DNAH8: variants seen among roughly 807,000 people sequenced by gnomAD.
The protein encoded by DNAH8 is axonemal beta dynein heavy chain 8.
A neutral mutation model predicts 562.1 loss-of-function variants in DNAH8; 382 were observed. The ratio of observed to expected loss-of-function variants is 0.68; its 90% CI spans 0.63 to 0.74. DNAH8 has a LOEUF of 0.74. DNAH8 is among the 30% of genes least tolerant of loss of function. DNAH8 has a pLI of 0.00. For synonymous variants in DNAH8, 1,881 were observed against 1,919.4 expected (o/e 0.98, Z 0.52); for missense variants, 5,203 against 5,620.4 (o/e 0.93, Z 2.37).
chr6:38,736,714 A>G (rs1268863341), intron 5 of DNAH8, among the ~76,000 whole-genome samples: 4 of 81,728 alleles, frequency 4.9e-5, no homozygotes, highest in Admixed American at 2.2e-4. Context: ...TTTTCACCAG[A>G]AAAAAAAAAA....
chr6:38,724,250 G>A (rs1763022714), intron 3 of DNAH8, among the ~76,000 whole-genome samples: 1 of 152,012 alleles, frequency 6.6e-6, no homozygotes, highest in East Asian at 1.9e-4. Flanking sequence ...CAAAGTGCTG[G>A]GATTACAGGC....
rs747335603 is a variant in DNAH8, at chr6:38,926,108, T to A, written c.11016T>A (p.Asn3672Lys). ...GLPGDDLSIQ[N>K]GIIVTKATRY... Reference sequence around the variant, plus strand: ...CAGGAGATGATCTCTCAATTCAGAATGGCATTATTGTGACAAAGGCCACCA... The same window carrying A: ...CAGGAGATGATCTCTCAATTCAGAAAGGCATTATTGTGACAAAGGCCACCA... The change falls in exon 74 of 93, where the codon AAT (asparagine) becomes AAA (lysine). Residue 3672 changes from asparagine to lysine, a missense_variant. By Grantham distance (94) the Asn-to-Lys change is moderately conservative (BLOSUM62 0). This residue lies in a region of DNAH8 where 1,399 missense variants were observed against 1,518.4 expected (regional missense o/e 0.92). Coordinates refer to ENST00000327475, the MANE Select transcript of DNAH8 (RefSeq NM_001206927.2). The A allele has an allele frequency of 1.2e-6, 2 of 1,613,862 alleles. No individual in the cohort carries two copies. The highest frequency in any genetic ancestry group is 2.2e-5 in the East Asian group (1 of 44,862).
chr6:38,878,400 A>T (rs1301400552), intron 53 of DNAH8, among the ~76,000 whole-genome samples: 1 of 152,202 alleles, frequency 6.6e-6, no homozygotes, highest in African/African-American at 2.4e-5. Flanking sequence ...AATGATTTCA[A>T]CTTCTTCCTT....
In DNAH8 at chr6:38,828,204, C is replaced by T. The variant is rs763837187; in HGVS notation, c.4104C>T (p.Asn1368=). 2 of 1,592,128 alleles carry T rather than the reference C, an allele frequency of 1.3e-6. No homozygotes were observed. The highest frequency in any genetic ancestry group is 3.6e-5 in the Admixed American group (2 of 56,096). The change falls in exon 30 of 93, where the codon AAC becomes AAT. Residue 1368 remains asparagine (N), a synonymous_variant. Transcript: ENST00000327475. ...TGCAGGAAGCCTATGCTATTTTAAA[C>T]AGATTTGAAGTTGAAGTAACCAAAG... is the stretch of plus-strand genomic sequence containing the variant. ...GPIEEAYAIL[N]RFEVEVTKEE...
intron 22 of DNAH8, among the ~76,000 whole-genome samples, chr6:38,805,025 C>G (rs1678681): frequency 0.3 from 44,816 of 151,812 alleles, 6,943 homozygotes; most frequent in East Asian, 0.43. Flanking sequence ...TTGACCCACC[C>G]AAGATGTCAG....
rs1243042728 is a variant in DNAH8, at chr6:38,803,171, T to G, written c.2902-8T>G. ...CTGGAAAATAATAGTCATTTCTTTA[T>G]TTAACAGACATACACAAAAGAATGG... On this transcript the variant is annotated splice_polypyrimidine_tract_variant and splice_region_variant and intron_variant, in intron 21 of 92. Transcript: ENST00000327475. 10 of 1,570,048 alleles carry G rather than the reference T, an allele frequency of 6.4e-6. No individual in the cohort carries two copies. The highest frequency in any genetic ancestry group is 6.9e-6 in the Non-Finnish European group (8 of 1,159,894).
At chr6:39,006,643 G>A (rs534318449) in intron 88 of DNAH8, among the ~76,000 whole-genome samples, 41 of 152,290 alleles carry the variant, frequency 2.7e-4, no homozygotes, top group African/African-American at 8.7e-4. Flanking sequence ...CTTCCATCAG[G>A]TGCCACCTAG....
chr6:39,028,172 C>T (rs1767420294), intron 92 of DNAH8, among the ~76,000 whole-genome samples: 1 of 152,228 alleles, frequency 6.6e-6, no homozygotes, highest in Non-Finnish European at 1.5e-5. Context: ...CCCCATTATG[C>T]AATTCCAGAA....
rs747928749 is a variant in DNAH8 at position 38,971,620 on chromosome 6, A to C, written c.12480A>C (p.Gly4160=). The change falls in exon 83 of 93, where the codon GGA becomes GGC. Residue 4160 remains glycine (G), a synonymous_variant. Transcript: ENST00000327475. The stretch of plus-strand genomic sequence containing the variant: ...GTAGAACTATCTCAATGGGGCAAGG[A>C]CAAGAAGTACATGCTCGAAAGCTGA... ...LECRTISMGQ[G]QEVHARKLIQ... is the part of the protein sequence containing the mutation. 48 of 1,602,650 alleles carry C rather than the reference A, an allele frequency of 3.0e-5. No homozygotes were observed. The highest frequency in any genetic ancestry group is 1.7e-4 in the Middle Eastern group (1 of 6,044).
In DNAH8 at chr6:38,797,219, C is replaced by T. The variant is rs144090289; in HGVS notation, c.2901+5545C>T. On this transcript the variant is annotated intron_variant, in intron 21 of 92. Coordinates refer to ENST00000327475, the MANE Select transcript of DNAH8 (RefSeq NM_001206927.2). ...CTCCAGCCTAGCCAACATGGCAAAG[C>T]CCCATCTCTACTAAAAGTATAAAAA... Among the ~76,000 whole-genome samples the T allele has an allele frequency of 3.6e-3, 547 of 152,220 alleles. 3 individuals carry two copies. Among genetic ancestry groups the T allele is most frequent in the African/African-American group, 0.012 (519 of 41,522 alleles).
chr6:38,841,179 G>A (rs1774750357), intron 33 of DNAH8, among the ~76,000 whole-genome samples: 1 of 152,272 alleles, frequency 6.6e-6, no homozygotes, highest in African/African-American at 2.4e-5. Flanking sequence ...AGCACTTAGG[G>A]AGGCTGAGGC....
At position 38,836,539 on chromosome 6, in the gene DNAH8, T is replaced by C. The variant is rs559623213; in HGVS notation, c.4366-1403T>C. ...CTCAAAAAAAAAAAAAAAGGCAATG[T>C]AGGGCACATCTTTTGCCTTTCTGTA... On this transcript the variant is annotated intron_variant, in intron 32 of 92. Transcript: ENST00000327475. Among the ~76,000 whole-genome samples the C allele has an allele frequency of 3.2e-4, 47 of 146,444 alleles. 1 individual carries two copies. The East Asian group carries it at 5.2e-3, about 16-fold the overall frequency.
intron 52 of DNAH8, among the ~76,000 whole-genome samples, chr6:38,874,690 G>A (rs1404512458): frequency 2.0e-5 from 3 of 151,828 alleles, no homozygotes; most frequent in Non-Finnish European, 4.4e-5. Context: ...TTTCCTACTC[G>A]GTTTTCCTTA....
At chr6:38,749,926 G>A (rs560659741) in intron 8 of DNAH8, among the ~76,000 whole-genome samples, 20 of 152,270 alleles carry the variant, frequency 1.3e-4, no homozygotes, top group South Asian at 1.2e-3. Context: ...TCCGCCTCCC[G>A]GGTTCATGCC....
At chr6:38,897,974 A>G (rs1779812816) in intron 60 of DNAH8, among the ~76,000 whole-genome samples, 1 of 152,196 alleles carries the variant, frequency 6.6e-6, no homozygotes, top group Non-Finnish European at 1.5e-5. Context: ...AAAAACCAAG[A>G]AAAATATTTC....
Position 38,737,136 on chromosome 6 carries a change from A to G in DNAH8, c.832A>G (p.Ile278Val), listed in dbSNP as rs147580001. ...LNGIRDMLAN[I>V]FLPAVLATNN... ...TGGAATTAGGGATATGTTGGCAAAT[A>G]TATTTCTACCAGCTGTTCTTGCAAC... Residue 278 changes from isoleucine to valine, a missense_variant, in exon 6 of 93, where the codon ATA (isoleucine) becomes GTA (valine). Physicochemically the swap from Ile to Val is conservative, Grantham distance 29 (BLOSUM62 3). Transcript: ENST00000327475. 749 of 1,587,412 alleles carry G rather than the reference A, an allele frequency of 4.7e-4. 7 individuals carry two copies. In the African/African-American group the frequency reaches 8.8e-3, roughly 19 times the overall value.
chr6:38,807,557 C>T (rs1771393187), intron 23 of DNAH8, 53 bp from the exon 24 acceptor site: 1 of 921,538 alleles, frequency 1.1e-6, no homozygotes, highest in East Asian at 2.8e-5. Flanking sequence ...TTTGGGGATG[C>T]TCTAGGTTTT....
In DNAH8 at chr6:38,896,227, T is replaced by C; in HGVS notation, c.8940+2T>C. 2 of 1,610,192 alleles carry C rather than the reference T, an allele frequency of 1.2e-6. No individual in the cohort carries two copies. The highest frequency in any genetic ancestry group is 1.7e-6 in the Non-Finnish European group (2 of 1,177,146). ...GAAGTACCCAAAATATATGAATTGG[T>C]ATTTATTTTCATCTCTTAAAAGAGG... On this transcript the variant is annotated splice_donor_variant, in intron 60 of 92. Transcript: ENST00000327475. LOFTEE classifies it high-confidence loss of function.
At chr6:38,993,683 G>A (rs573755256) in intron 88 of DNAH8, among the ~76,000 whole-genome samples, 1 of 124,776 alleles carries the variant, frequency 8.0e-6, no homozygotes, top group East Asian at 3.0e-4. Flanking sequence ...TATATCTATT[G>A]TGTTGTGTCT....
Sources: gnomAD v4.1 joint callset for allele counts (sites outside exome capture counted in the v4.1 genomes callset) on GRCh38, gnomAD v4.1.1 for gene constraint, gnomAD v4.1.1 regional missense constraint, MANE v1.5 for transcripts, NCBI Gene and HGNC (gene_info 2026-07-23, HGNC 2026-07-21) for gene names.